Variants in ZBBX observed in about 807,000 individuals in gnomAD.
The protein encoded by ZBBX is zinc finger B-box domain containing.
ZBBX carries 101 observed loss-of-function variants against 108.5 expected under a neutral mutation model. The ratio of observed to expected loss-of-function variants is 0.93; its 90% CI spans 0.79 to 1.10. ZBBX has a LOEUF of 1.10. Ranked by LOEUF, ZBBX falls within the 50% of genes least tolerant of loss-of-function variation. ZBBX has a pLI of 0.00. For missense variants in ZBBX, 1,009 were observed against 941.4 expected, an observed-to-expected ratio of 1.07 and a Z score of -0.94; for synonymous variants, 356 against 323.4, an observed-to-expected ratio of 1.10 and a Z score of -1.08.
At chr3:167,275,190 T>C (rs1727293061) in intron 20 of ZBBX, among the ~76,000 whole-genome samples, 1 of 152,218 alleles carries the variant, frequency 6.6e-6, no homozygotes. Context: ...GTTCCTTCAA[T>C]CTGTTCATTC....
At chr3:167,368,338 C>T in intron 5 of ZBBX, 123 bp downstream of exon 5, 9 of 719,438 alleles carry the variant, frequency 1.3e-5, no homozygotes, top group Non-Finnish European at 2.0e-5. Flanking sequence ...ATTGCTCGTT[C>T]ATCAGGAAAA....
intron 6 of ZBBX, among the ~76,000 whole-genome samples, chr3:167,365,088 C>T (rs570202871): frequency 4.6e-5 from 7 of 151,606 alleles, no homozygotes; most frequent in East Asian, 3.9e-4. Context: ...TTTTTTTAAA[C>T]GTTGGGGTCA....
intron 5 of ZBBX, 110 bp from the exon 6 acceptor site, chr3:167,366,086 T>G (rs1031977684): frequency 4.5e-6 from 3 of 672,180 alleles, no homozygotes; most frequent in Non-Finnish European, 7.2e-6. Context: ...GTTGTTAACA[T>G]GCAGTAAACA....
intron 1 of ZBBX, among the ~76,000 whole-genome samples, chr3:167,404,152 A>G (rs1748509328): frequency 6.6e-6 from 1 of 152,192 alleles, no homozygotes; most frequent in South Asian, 2.1e-4. Context: ...ATAGCCAACA[A>G]AGTAAACTTC....
At chr3:167,198,270 T>C in the ZBBX span, among the ~76,000 whole-genome samples, 11 of 152,142 alleles carry the variant, frequency 7.2e-5, no homozygotes, top group Non-Finnish European at 1.5e-4. Context: ...GTTTACAATA[T>C]TTTTATAAGC....
rs1733516423 is a variant in ZBBX, at chr3:167,305,733, T to C, written c.1635A>G (p.Lys545=). 3 of 1,612,282 alleles carry C rather than the reference T, an allele frequency of 1.9e-6. No individual in the cohort carries two copies. The highest frequency in any genetic ancestry group is 1.7e-5 in the Admixed American group (1 of 59,874). Residue 545 remains lysine, a synonymous_variant, in exon 17 of 22, where the codon AAA becomes AAG. Transcript: ENST00000675490. ...AGGATTCTTTGATGTCTTGAGATAATTTCTCCTCAATGGGAGCTTTTTCTA... is the reference window on the plus strand; with the variant it reads ...AGGATTCTTTGATGTCTTGAGATAACTTCTCCTCAATGGGAGCTTTTTCTA... ...RDLEKAPIEE[K]LSQDIKESLE...
downstream of ZBBX, among the ~76,000 whole-genome samples, chr3:167,235,480 G>T (rs1720194975): frequency 6.6e-6 from 1 of 151,416 alleles, no homozygotes; most frequent in East Asian, 1.9e-4. Context: ...AAAAGCATTT[G>T]TAACTAGAAT....
At chr3:167,284,615 T>G (rs1729396847) in intron 19 of ZBBX, among the ~76,000 whole-genome samples, 1 of 152,144 alleles carries the variant, frequency 6.6e-6, no homozygotes, top group Non-Finnish European at 1.5e-5. Flanking sequence ...GTACGAACAC[T>G]AATAAGAACA....
At chr3:167,366,064 A>G in intron 5 of ZBBX, 88 bp from the exon 6 acceptor site, 2 of 1,003,852 alleles carry the variant, frequency 2.0e-6, no homozygotes, top group Non-Finnish European at 2.9e-6. Context: ...TGTTTCAGAA[A>G]ATGGAAATTC....
chr3:167,197,684 T>G, the ZBBX span, among the ~76,000 whole-genome samples: 1 of 152,246 alleles, frequency 6.6e-6, no homozygotes, highest in Non-Finnish European at 1.5e-5. Context: ...AATACTGTGC[T>G]ATTGACATGC....
chr3:167,312,674 A>T (rs1734788939), intron 16 of ZBBX, among the ~76,000 whole-genome samples: 1 of 152,206 alleles, frequency 6.6e-6, no homozygotes, highest in Non-Finnish European at 1.5e-5. Context: ...ATTTTCTTAG[A>T]GGCAACAGGA....
intron 8 of ZBBX, among the ~76,000 whole-genome samples, chr3:167,355,534 C>T (rs894282044): frequency 6.6e-6 from 1 of 151,644 alleles, no homozygotes; most frequent in African/African-American, 2.4e-5. Context: ...CAAGGATATA[C>T]ATATATCTAT....
rs1738594966 is a variant in ZBBX at position 167,331,317 on chromosome 3, T to C, written c.687+2510A>G. Among the ~76,000 whole-genome samples the C allele has an allele frequency of 1.3e-5, 2 of 152,080 alleles. 1 individual carries two copies. Among genetic ancestry groups the C allele is most frequent in the Admixed American group, 1.3e-4 (2 of 15,256 alleles). ...TTTATAGGTTTTGGAAAAGACAGGA[T>C]AAATTTAGTTTAAAGATAGAGTCTT... On this transcript the variant is annotated intron_variant, in intron 10 of 21. Transcript: ENST00000675490.
At chr3:167,261,775 CAAAA>C (rs60045904) in intron 20 of ZBBX, among the ~76,000 whole-genome samples, 104 of 96,238 alleles carry the variant, frequency 1.1e-3, no homozygotes, top group African/African-American at 1.7e-3. Context: ...CTCCCAACTG[CAAAA>C]AAAAAAAAAA....
chr3:167,178,883 C>T, the ZBBX span, among the ~76,000 whole-genome samples: 6 of 152,118 alleles, frequency 3.9e-5, no homozygotes, highest in Admixed American at 3.9e-4. Flanking sequence ...GTCCCTGTCT[C>T]CCCGCTTTTG....
At chr3:167,279,052 C>T (rs868109930) in intron 20 of ZBBX, among the ~76,000 whole-genome samples, 1 of 151,526 alleles carries the variant, frequency 6.6e-6, no homozygotes, top group Non-Finnish European at 1.5e-5. Flanking sequence ...ATCCAACAAC[C>T]CTTCATGCTA....
intron 20 of ZBBX, among the ~76,000 whole-genome samples, chr3:167,262,216 G>A (rs540204193): frequency 1.3e-3 from 202 of 151,742 alleles, no homozygotes; most frequent in South Asian, 4.2e-4. Flanking sequence ...CGGGGGGGGC[G>A]TCTCCCAGGT....
At chr3:167,293,666 A>T (rs1731112945) in intron 18 of ZBBX, among the ~76,000 whole-genome samples, 1 of 152,220 alleles carries the variant, frequency 6.6e-6, no homozygotes, top group African/African-American at 2.4e-5. Context: ...CATCACTCCT[A>T]TTCAACATAG....
intron 20 of ZBBX, among the ~76,000 whole-genome samples, chr3:167,270,283 C>G (rs555680348): frequency 6.6e-6 from 1 of 152,140 alleles, no homozygotes; most frequent in Non-Finnish European, 1.5e-5. Context: ...TTACCCTTGC[C>G]TCAAACTAAG....
Sources: gnomAD v4.1 joint callset for allele counts (sites outside exome capture counted in the v4.1 genomes callset) on GRCh38, gnomAD v4.1.1 for gene constraint, MANE v1.5 for transcripts, NCBI Gene and HGNC (gene_info 2026-07-23, HGNC 2026-07-21) for gene names.